The following PIAS1 variants were observed in gnomAD, a reference collection of about 807,000 sequenced individuals.
PIAS1 encodes the protein protein inhibitor of activated STAT 1.
PIAS1 carries 6 observed loss-of-function variants against 71.3 expected under a neutral mutation model. The observed-to-expected ratio is 0.08, with a 90% confidence interval of 0.05 to 0.17. The LOEUF (loss-of-function observed/expected upper bound fraction) is 0.17, where lower values mean the gene tolerates loss of function less well. PIAS1 is among the 10% of genes least tolerant of loss of function. The probability of loss-of-function intolerance (pLI) is 1.00; values close to 1 mark genes in which losing one functional copy is unlikely to be tolerated. For synonymous variants in PIAS1, 303 were observed against 292.9 expected, an observed-to-expected ratio of 1.03 and a Z score of -0.35; for missense variants, 555 against 793.6, an observed-to-expected ratio of 0.70 and a Z score of 3.61.
chr15:68,156,213 C>T (rs2092888155), intron 7 of PIAS1, among the ~76,000 whole-genome samples: 1 of 152,160 alleles, frequency 6.6e-6, no homozygotes, highest in South Asian at 2.1e-4. Context: ...AATAATTGCA[C>T]AAGTCATTAA....
intron 2 of PIAS1, among the ~76,000 whole-genome samples, chr15:68,117,083 T>C (rs2092571430): frequency 6.6e-6 from 1 of 152,162 alleles, no homozygotes; most frequent in South Asian, 2.1e-4. Flanking sequence ...TTTTTGTTTT[T>C]TTGTTGCTGT....
rs1020856363 is a variant in PIAS1, at chr15:68,054,561, G to GT, written c.24+212dup. The GT allele has an allele frequency of 2.0e-6, 1 of 491,162 alleles. No individual in the cohort carries two copies. Among genetic ancestry groups the GT allele is most frequent in the Non-Finnish European group, 3.6e-6 (1 of 278,200 alleles). 30.4% of individuals were successfully genotyped at this position (491,162 alleles called of 1,614,324 possible). Reference sequence around the variant, plus strand: ...GGTGCCTCGGGGGCGCTGACGGGTCGTCCCCGGCGTGTTATTGTTGTGGGC... The same window carrying GT: ...GGTGCCTCGGGGGCGCTGACGGGTCGTTCCCCGGCGTGTTATTGTTGTGGGC... On this transcript the variant is annotated intron_variant, in intron 1 of 13. Transcript: ENST00000249636. The surrounding 1 kb of genome is among the most constrained non-coding windows in gnomAD (Gnocchi z 4.6).
chr15:68,181,446 G>GA, intron 12 of PIAS1, 92 bp downstream of exon 12: 1 of 1,290,774 alleles, frequency 7.7e-7, no homozygotes, highest in Non-Finnish European at 1.1e-6. Flanking sequence ...GGAAGAACTG[G>GA]AAGACTGAGC....
chr15:68,074,617 A>G (rs1167387667), intron 1 of PIAS1, among the ~76,000 whole-genome samples: 1 of 152,202 alleles, frequency 6.6e-6, no homozygotes, highest in African/African-American at 2.4e-5. Flanking sequence ...TAAACCTCAT[A>G]TTTTATTTCA....
At chr15:68,077,283 A>T (rs2092177204) in intron 1 of PIAS1, among the ~76,000 whole-genome samples, 2 of 152,222 alleles carry the variant, frequency 1.3e-5, no homozygotes, top group African/African-American at 4.8e-5. Context: ...ATTAAGAGGG[A>T]TAGTAATACT....
At chr15:68,092,268 G>T (rs930451506) in intron 2 of PIAS1, among the ~76,000 whole-genome samples, 1 of 152,010 alleles carries the variant, frequency 6.6e-6, no homozygotes, top group African/African-American at 2.4e-5. Flanking sequence ...CCGCTTCCTG[G>T]CTCAAGCGAT....
chr15:68,187,032 A>G lies in PIAS1; in HGVS notation c.1663-510A>G, dbSNP rs1478349013. ...AGATAAATTTCCTTGGAAAACTTAGAGTAATCATACCCATTATCATTATGG... is the reference window on the plus strand; with the variant it reads ...AGATAAATTTCCTTGGAAAACTTAGGGTAATCATACCCATTATCATTATGG... On this transcript the variant is annotated intron_variant, in intron 13 of 13. Coordinates refer to ENST00000249636, the MANE Select transcript of PIAS1 (RefSeq NM_016166.3). This position sits in a 1 kb window ranked among gnomAD's most constrained non-coding sequence, Gnocchi z 5.3. Among the ~76,000 whole-genome samples, 1 of 152,268 alleles carries G rather than the reference A, an allele frequency of 6.6e-6. No homozygotes were observed. The highest frequency in any genetic ancestry group is 1.5e-5 in the Non-Finnish European group (1 of 68,048).
chr15:68,068,917 G>A lies in PIAS1; in HGVS notation c.24+14567G>A, dbSNP rs7162469. Among the ~76,000 whole-genome samples the A allele has an allele frequency of 3.5e-3, 397 of 112,878 alleles. 1 individual carries two copies. Among genetic ancestry groups the A allele is most frequent in the African/African-American group, 0.013 (377 of 29,626 alleles). The allele number at this position is 112,878 out of a possible 152,430, so 74.1% of individuals were successfully genotyped here. Reference sequence around the variant, plus strand: ...CCTTTTTTTTTTTTTTTTTTTTGAGGTGGAGTCTTGCTCTGTCACCCAGGC... The same window carrying A: ...CCTTTTTTTTTTTTTTTTTTTTGAGATGGAGTCTTGCTCTGTCACCCAGGC... On this transcript the variant is annotated intron_variant, in intron 1 of 13. Coordinates refer to ENST00000249636, the MANE Select transcript of PIAS1 (RefSeq NM_016166.3).
chr15:68,066,499 A>G (rs1042613774), intron 1 of PIAS1, among the ~76,000 whole-genome samples: 1 of 152,234 alleles, frequency 6.6e-6, no homozygotes, highest in African/African-American at 2.4e-5. Context: ...CCTCTCCAGC[A>G]GAGCTTAGCT....
chr15:68,072,101 G>T (rs2092103721), intron 1 of PIAS1, among the ~76,000 whole-genome samples: 1 of 150,888 alleles, frequency 6.6e-6, no homozygotes, highest in African/African-American at 2.4e-5. Flanking sequence ...AGAGTAATAA[G>T]AGTTAATGGG....
chr15:68,165,979 A>C (rs2092955287), intron 8 of PIAS1, among the ~76,000 whole-genome samples: 1 of 152,188 alleles, frequency 6.6e-6, no homozygotes. Context: ...GTATTCTTAA[A>C]GAAACAAAGA....
chr15:68,131,089 G>A (rs1379540603), intron 2 of PIAS1, among the ~76,000 whole-genome samples: 19 of 152,012 alleles, frequency 1.2e-4, no homozygotes, highest in Non-Finnish European at 4.4e-5. Flanking sequence ...GTAAGCACGC[G>A]GACTTCTGAC....
At chr15:68,102,765 A>AG (rs1290692984) in intron 2 of PIAS1, among the ~76,000 whole-genome samples, 2 of 152,062 alleles carry the variant, frequency 1.3e-5, no homozygotes, top group African/African-American at 2.4e-5. Context: ...TGTAAATTTG[A>AG]GGGGTATTTC....
intron 1 of PIAS1, among the ~76,000 whole-genome samples, chr15:68,071,917 C>A (rs1238347688): frequency 1.3e-5 from 2 of 151,800 alleles, no homozygotes; most frequent in Non-Finnish European, 2.9e-5. Context: ...TACTGCATTC[C>A]AACCTGGGTG....
At chr15:68,153,422 T>G (rs1338042491) in intron 6 of PIAS1, among the ~76,000 whole-genome samples, 168 bp from the exon 7 acceptor site, 1 of 152,162 alleles carries the variant, frequency 6.6e-6, no homozygotes, top group Non-Finnish European at 1.5e-5. Context: ...TCGGCAGCTT[T>G]TTGGTCAGGA....
chr15:68,110,294 T>A (rs1299910676), intron 2 of PIAS1, among the ~76,000 whole-genome samples: 1 of 152,020 alleles, frequency 6.6e-6, no homozygotes, highest in Non-Finnish European at 1.5e-5. Flanking sequence ...AGAAAGACAG[T>A]CCTTTGAAAG....
At chr15:68,182,688 G>A (rs925583549) in intron 12 of PIAS1, among the ~76,000 whole-genome samples, 1 of 152,106 alleles carries the variant, frequency 6.6e-6, no homozygotes, top group Non-Finnish European at 1.5e-5. Context: ...CCAAAGTGCT[G>A]GGATTACAGG....
intron 12 of PIAS1, among the ~76,000 whole-genome samples, chr15:68,182,490 C>CGTGTGTGTGTGTGTGTGT (rs67774530): frequency 0.038 from 4,718 of 123,306 alleles, 583 homozygotes; most frequent in Admixed American, 0.05. Flanking sequence ...GCTCAGGCTG[C>CGTGTGTGTGTGTGTGTGT]GTGTGTGTGT....
chr15:68,090,213 T>C lies in PIAS1; in HGVS notation c.469+3463T>C, dbSNP rs557884705. ...ATTTAATAATAATAATAATTATTAT[T>C]ATTTTTTGAGACAGGGTTTCGCTCT... is the stretch of plus-strand genomic sequence containing the variant. On this transcript the variant is annotated intron_variant, in intron 2 of 13. Coordinates refer to ENST00000249636, the MANE Select transcript of PIAS1 (RefSeq NM_016166.3). Among the ~76,000 whole-genome samples the C allele has an allele frequency of 9.9e-5, 15 of 151,986 alleles. No individual in the cohort carries two copies. The South Asian group carries it at 3.1e-3, about 32-fold the overall frequency.
Sources: gnomAD v4.1 joint callset for allele counts (sites outside exome capture counted in the v4.1 genomes callset) on GRCh38, gnomAD v4.1.1 for gene constraint, Gnocchi (gnomAD v3.1) non-coding constraint, MANE v1.5 for transcripts, NCBI Gene and HGNC (gene_info 2026-07-23, HGNC 2026-07-21) for gene names.